The following CATSPERE variants were observed in gnomAD, a reference collection of about 807,000 sequenced individuals.
The protein encoded by CATSPERE is catsper channel auxiliary subunit epsilon, also known as cation channel sperm-associated auxiliary subunit epsilon.
CATSPERE carries 93 observed loss-of-function variants against 114.1 expected under a neutral mutation model. That is an observed-to-expected ratio of 0.81 (90% CI 0.69 to 0.97). CATSPERE has a LOEUF of 0.97. CATSPERE is among the 50% of genes least tolerant of loss of function. The pLI is 0.00. For missense variants in CATSPERE, 1,058 were observed against 1,131.6 expected (o/e 0.93, Z 0.93); for synonymous variants, 341 against 384.1 (o/e 0.89, Z 1.31).
intron 17 of CATSPERE, among the ~76,000 whole-genome samples, chr1:244,601,750 C>T (rs1163277429): frequency 2.0e-5 from 3 of 151,992 alleles, no homozygotes; most frequent in African/African-American, 4.8e-5. Flanking sequence ...GTCAGGAGTT[C>T]GAAACCAGCC....
chr1:244,577,734 G>T (rs963321435), intron 11 of CATSPERE, among the ~76,000 whole-genome samples: 3 of 152,148 alleles, frequency 2.0e-5, no homozygotes, highest in Non-Finnish European at 2.9e-5. Context: ...TCATGTTGGT[G>T]ATCAGGTTTT....
chr1:244,640,195 G>GTA lies in CATSPERE; in HGVS notation c.*114_*115insTA. ...AAATACTAAATATAAGCTCGTAGTA[G>GTA]GCATCACCAAATTCAAGATCTGAAA... On this transcript the variant is annotated 3_prime_UTR_variant, in exon 22 of 22. Transcript: ENST00000366534. 2.6e-6 allele frequency: 2 copies of GTA among 767,126 alleles called. No individual in the cohort carries two copies. The highest frequency in any genetic ancestry group is 4.0e-6 in the Non-Finnish European group (2 of 499,244). The allele number at this position is 767,126 out of a possible 1,614,324, so 47.5% of individuals were successfully genotyped here.
At chr1:244,453,389 T>C (rs1310634473), upstream of CATSPERE, among the ~76,000 whole-genome samples, 1 of 152,224 alleles carries the variant, frequency 6.6e-6, no homozygotes, top group East Asian at 1.9e-4. Flanking sequence ...AAAACTCTGG[T>C]TTCCTGCACA....
chr1:244,583,017 T>C (rs1258317913), intron 12 of CATSPERE, among the ~76,000 whole-genome samples: 1 of 75,868 alleles, frequency 1.3e-5, no homozygotes, highest in Non-Finnish European at 3.1e-5. Flanking sequence ...TAGGGAGAAA[T>C]GCTGCTTTCG....
In CATSPERE at chr1:244,560,811, A is replaced by G. The variant is rs1662438132; in HGVS notation, c.1173A>G (p.Ile391Met). ...TATCGGTGACTGCTACTCTGACCATAGACAGGGTTGAGTATACAGGACACC... is the reference window on the plus strand; with the variant it reads ...TATCGGTGACTGCTACTCTGACCATGGACAGGGTTGAGTATACAGGACACC... ...LSLSVTATLT[I>M]DRVEYTGHPL... The change falls in exon 10 of 22, where the codon ATA becomes ATG. Residue 391 changes from isoleucine (I) to methionine (M), a missense_variant. Physicochemically the swap from Ile to Met is conservative, Grantham distance 10. Coordinates refer to ENST00000366534, the MANE Select transcript of CATSPERE (RefSeq NM_001130957.2). 4 of 1,613,974 alleles carry G rather than the reference A, an allele frequency of 2.5e-6. No homozygotes were observed. Among genetic ancestry groups the G allele is most frequent in the East Asian group, 2.2e-5 (1 of 44,872 alleles).
At chr1:244,457,499 A>G (rs1004454680), upstream of CATSPERE, 1 of 152,228 alleles carries the variant, frequency 6.6e-6, no homozygotes, top group Non-Finnish European at 1.5e-5. Context: ...GCAGGGGAAA[A>G]AAAGGAGGAG....
intron 6 of CATSPERE, among the ~76,000 whole-genome samples, chr1:244,491,201 C>G (rs374579675): frequency 2.8e-4 from 42 of 152,080 alleles, no homozygotes; most frequent in South Asian, 1.7e-3. Flanking sequence ...GGAAGTAAAG[C>G]TCTCCTCAGC....
rs1372067078 is a variant in CATSPERE at position 244,560,876 on chromosome 1, G to A, written c.1238G>A (p.Cys413Tyr). Reference sequence around the variant, plus strand: ...GTGTTTTTAAATTATTGCACTGTATGTAACGTCACCAAAAAGATTTTCTTA... The same window carrying A: ...GTGTTTTTAAATTATTGCACTGTATATAACGTCACCAAAAAGATTTTCTTA... ...IAVFLNYCTV[C>Y]NVTKKIFLVI... Residue 413 changes from cysteine (C) to tyrosine (Y), a missense_variant, in exon 10 of 22, where the codon TGT becomes TAT. Around this residue, in one of 2 missense-constraint regions of CATSPERE, gnomAD observed 787 missense variants for 905.6 expected, o/e 0.87. Coordinates refer to ENST00000366534, the MANE Select transcript of CATSPERE (RefSeq NM_001130957.2). 1.6e-5 allele frequency: 26 copies of A among 1,613,974 alleles called. No individual in the cohort carries two copies. Among genetic ancestry groups the A allele is most frequent in the Non-Finnish European group, 2.0e-5 (24 of 1,179,994 alleles).
At chr1:244,532,248 A>G (rs1303946527) in intron 8 of CATSPERE, among the ~76,000 whole-genome samples, 3 of 151,914 alleles carry the variant, frequency 2.0e-5, no homozygotes, top group African/African-American at 7.2e-5. Context: ...TATCTTTTCA[A>G]AAAACAAATT....
intron 20 of CATSPERE, among the ~76,000 whole-genome samples, chr1:244,618,813 C>T (rs1010189827): frequency 6.6e-6 from 1 of 151,870 alleles, no homozygotes; most frequent in Admixed American, 6.6e-5. Context: ...AAAATAAGCT[C>T]TACATGGATA....
chr1:244,489,153 A>G (rs577288787), intron 5 of CATSPERE, among the ~76,000 whole-genome samples: 2 of 152,322 alleles, frequency 1.3e-5, no homozygotes, highest in Non-Finnish European at 1.5e-5. Flanking sequence ...AAATAGAGAC[A>G]CGTTCTTACT....
chr1:244,460,461 C>T (rs1666584729), upstream of CATSPERE, among the ~76,000 whole-genome samples: 1 of 152,322 alleles, frequency 6.6e-6, no homozygotes, highest in East Asian at 1.9e-4. Flanking sequence ...TATGATTTCA[C>T]CCCTGACCAA....
At chr1:244,513,144 G>A (rs1676042689) in intron 7 of CATSPERE, among the ~76,000 whole-genome samples, 1 of 152,130 alleles carries the variant, frequency 6.6e-6, no homozygotes, top group South Asian at 2.1e-4. Flanking sequence ...AGCATTCATT[G>A]CATAAGCAGT....
At chr1:244,515,306 G>C (rs1316814525) in intron 7 of CATSPERE, 1 of 979,848 alleles carries the variant, frequency 1.0e-6, no homozygotes, top group Non-Finnish European at 1.2e-6. Context: ...TCTCATGAAA[G>C]ATACATACTC....
intron 8 of CATSPERE, among the ~76,000 whole-genome samples, chr1:244,549,316 C>T (rs562730038): frequency 6.6e-6 from 1 of 152,244 alleles, no homozygotes; most frequent in Non-Finnish European, 1.5e-5. Flanking sequence ...AGGAAGTCAG[C>T]TATAAATACC....
chr1:244,599,091 T>C (rs747192057), intron 17 of CATSPERE, among the ~76,000 whole-genome samples: 1 of 152,184 alleles, frequency 6.6e-6, no homozygotes, highest in Non-Finnish European at 1.5e-5. Flanking sequence ...TTGTATGGGA[T>C]GTTTTAAAGG....
chr1:244,629,076 C>T (rs148477018), intron 20 of CATSPERE, among the ~76,000 whole-genome samples: 2 of 152,304 alleles, frequency 1.3e-5, no homozygotes, highest in African/African-American at 2.4e-5. Flanking sequence ...AAGCCATGAG[C>T]GGTTTCTCAA....
At chr1:244,554,037 G>C (rs1661209476) in intron 9 of CATSPERE, among the ~76,000 whole-genome samples, 1 of 152,098 alleles carries the variant, frequency 6.6e-6, no homozygotes, top group Non-Finnish European at 1.5e-5. Context: ...ATTCCATTGG[G>C]TATATATAAC....
intron 18 of CATSPERE, among the ~76,000 whole-genome samples, chr1:244,609,123 G>T (rs1670381955): frequency 1.3e-5 from 2 of 151,796 alleles, no homozygotes; most frequent in African/African-American, 2.4e-5. Context: ...GAAGTGGAGG[G>T]TGCAGTGAGC....
Sources: allele counts gnomAD v4.1 joint callset (sites outside exome capture counted in the v4.1 genomes callset), GRCh38; gene constraint gnomAD v4.1.1; regional missense constraint gnomAD v4.1.1; transcripts MANE v1.5; gene names NCBI Gene and HGNC (gene_info 2026-07-23, HGNC 2026-07-21).